CIROZ: variants seen among roughly 807,000 people sequenced by gnomAD.
CIROZ encodes ciliated left-right organizer protein containing ZP-N domains, also known as ciliated left-right organizer ZP-N domains-containing protein.
At chr1:10,977,778 G>C in the CIROZ span, among the ~76,000 whole-genome samples, 251 of 152,272 alleles carry the variant, frequency 1.6e-3, 2 homozygotes, top group South Asian at 0.015. Flanking sequence ...GTGATGAAAG[G>C]CTGGAGTTAG....
At chr1:10,952,274 G>A in the CIROZ span, among the ~76,000 whole-genome samples, 14 of 152,120 alleles carry the variant, frequency 9.2e-5, no homozygotes, top group Non-Finnish European at 1.9e-4. Context: ...GATTCATTCT[G>A]GTTGCTGATG....
At chr1:10,978,742 G>A in the CIROZ span, among the ~76,000 whole-genome samples, 1 of 152,048 alleles carries the variant, frequency 6.6e-6, no homozygotes, top group Non-Finnish European at 1.5e-5. Flanking sequence ...GCAAAGACCT[G>A]GGGAAGGGCA....
the CIROZ span, among the ~76,000 whole-genome samples, chr1:10,961,184 C>G: frequency 3.3e-5 from 5 of 152,300 alleles, no homozygotes; most frequent in Admixed American, 3.3e-4. Context: ...AACACCGTCC[C>G]CCTAGCGGCG....
the CIROZ span, among the ~76,000 whole-genome samples, chr1:10,977,203 T>C: frequency 6.6e-6 from 1 of 151,826 alleles, no homozygotes; most frequent in East Asian, 1.9e-4. Context: ...TCAAAAAGAT[T>C]TTAAATGATG....
At chr1:10,980,892 A>G in the CIROZ span, among the ~76,000 whole-genome samples, 1 of 152,210 alleles carries the variant, frequency 6.6e-6, no homozygotes, top group Non-Finnish European at 1.5e-5. Context: ...GGTCCCCAGG[A>G]CAGGGCCCGG....
At chr1:10,955,266 G>A in the CIROZ span, 1 of 1,358,956 alleles carries the variant, frequency 7.4e-7, no homozygotes, top group South Asian at 1.4e-5. Flanking sequence ...GTGGGCCTTT[G>A]CCAGGGGCCA....
chr1:10,967,263 C>G, the CIROZ span, among the ~76,000 whole-genome samples: 1 of 152,148 alleles, frequency 6.6e-6, no homozygotes, highest in Non-Finnish European at 1.5e-5. Flanking sequence ...TCTTCCCCTC[C>G]CTCCCTCTGC....
the CIROZ span, among the ~76,000 whole-genome samples, chr1:10,958,190 C>T: frequency 1.3e-5 from 2 of 152,284 alleles, no homozygotes; most frequent in Middle Eastern, 6.8e-3. Context: ...GTCGCCAGCT[C>T]CCATCTCAGG....
chr1:10,969,495 C>T, the CIROZ span, among the ~76,000 whole-genome samples: 11,925 of 152,248 alleles, frequency 0.078, 653 homozygotes, highest in East Asian at 0.29. Flanking sequence ...GTTTGAGAAT[C>T]ACCCCTTTAG....
the CIROZ span, among the ~76,000 whole-genome samples, chr1:10,969,039 G>T: frequency 6.6e-6 from 1 of 152,034 alleles, no homozygotes; most frequent in East Asian, 1.9e-4. Flanking sequence ...CTCCCAAGGC[G>T]TCCCGGGCTG....
chr1:10,960,638 GC>G, the CIROZ span, among the ~76,000 whole-genome samples: 1 of 152,188 alleles, frequency 6.6e-6, no homozygotes, highest in African/African-American at 2.4e-5. The surrounding 1 kb of genome is among the most constrained non-coding windows in gnomAD (Gnocchi z 4.6). Flanking sequence ...CCCGCTCGGG[GC>G]CTGTGGGCAC....
chr1:10,952,655 A>G, the CIROZ span, among the ~76,000 whole-genome samples: 7 of 152,092 alleles, frequency 4.6e-5, no homozygotes. Flanking sequence ...TCAGCCTCCC[A>G]AGTAGCTGCG....
chr1:10,972,967 GT>G, the CIROZ span, among the ~76,000 whole-genome samples: 22 of 151,784 alleles, frequency 1.4e-4, no homozygotes, highest in African/African-American at 5.3e-4. Context: ...AAAAAAAAGA[GT>G]GTCTGTTTAC....
the CIROZ span, chr1:10,969,924 CA>C: frequency 1.3e-6 from 2 of 1,484,872 alleles, no homozygotes; most frequent in Non-Finnish European, 1.8e-6. Context: ...GAAGGCAACA[CA>C]AAAGCCCCAG....
At chr1:10,959,344 G>A in the CIROZ span, among the ~76,000 whole-genome samples, 10 of 152,048 alleles carry the variant, frequency 6.6e-5, no homozygotes, top group Non-Finnish European at 1.0e-4. This position sits in a 1 kb window ranked among gnomAD's most constrained non-coding sequence, Gnocchi z 4.3. Context: ...CTCGTACCGC[G>A]CCTGAGTCTC....
the CIROZ span, chr1:10,957,850 C>A: frequency 7.3e-7 from 1 of 1,375,282 alleles, no homozygotes; most frequent in Non-Finnish European, 9.9e-7. Flanking sequence ...CCTAGGAAGG[C>A]AACAGGGTCA....
At chr1:10,955,409 T>C in the CIROZ span, among the ~76,000 whole-genome samples, 1 of 152,118 alleles carries the variant, frequency 6.6e-6, no homozygotes, top group African/African-American at 2.4e-5. Context: ...CCCAAACACC[T>C]GACAGACCTT....
chr1:10,954,035 G>C, the CIROZ span: 1 of 1,612,626 alleles, frequency 6.2e-7, no homozygotes. Context: ...ACTGGAAGAA[G>C]CTCTCCACTG....
the CIROZ span, among the ~76,000 whole-genome samples, chr1:10,963,912 T>A: frequency 1.1e-4 from 16 of 151,890 alleles, no homozygotes; most frequent in Admixed American, 4.6e-4. Flanking sequence ...TCCCCTCCCA[T>A]CTCACTCGTC....
Sources: allele counts gnomAD v4.1 joint callset (sites outside exome capture counted in the v4.1 genomes callset), GRCh38; gene constraint gnomAD v4.1.1; non-coding constraint Gnocchi (gnomAD v3.1); transcripts MANE v1.5; gene names NCBI Gene and HGNC (gene_info 2026-07-23, HGNC 2026-07-21).